The following ERGIC3 variants were observed in gnomAD, a reference collection of about 807,000 sequenced individuals.
The protein encoded by ERGIC3 is ERGIC and golgi 3.
In ERGIC3, 33 loss-of-function variants were observed where a neutral mutation model predicts 54.7. The observed-to-expected ratio is 0.60, with a 90% CI of 0.46 to 0.81. The LOEUF (loss-of-function observed/expected upper bound fraction) is 0.81. Among genes scored for constraint, ERGIC3 ranks in the 30% least tolerant of loss-of-function variants. ERGIC3 has a pLI of 0.00. For missense variants in ERGIC3, 399 were observed against 488.4 expected, an observed-to-expected ratio of 0.82 and a Z score of 1.73; for synonymous variants, 186 against 189.8, an observed-to-expected ratio of 0.98 and a Z score of 0.16.
intron 7 of ERGIC3, chr20:35,549,678 C>T: frequency 6.1e-6 from 1 of 163,958 alleles, no homozygotes; most frequent in Non-Finnish European, 1.3e-5. Context: ...ACTCTGTCGC[C>T]CAGGCTGGAG....
intron 9 of ERGIC3, 24 bp downstream of exon 9, chr20:35,556,153 C>T (rs2064710273): frequency 1.2e-6 from 2 of 1,614,176 alleles, no homozygotes; most frequent in East Asian, 4.5e-5. Flanking sequence ...AGGCAGCCCC[C>T]AGCCGCAGAA....
chr20:35,550,474 G>A (rs778600435), intron 7 of ERGIC3, among the ~76,000 whole-genome samples: 10 of 152,056 alleles, frequency 6.6e-5, no homozygotes, highest in Non-Finnish European at 1.5e-4. Flanking sequence ...AAATTAGCTG[G>A]GTGTGGTGGC....
intron 4 of ERGIC3, chr20:35,543,740 G>A (rs2064630133): frequency 2.1e-6 from 1 of 470,210 alleles, no homozygotes; most frequent in Non-Finnish European, 4.4e-6. Flanking sequence ...AGTCATGGTT[G>A]TTGATTCCAA....
At chr20:35,547,302 T>C in intron 4 of ERGIC3, 110 bp from the exon 5 acceptor site, 1 of 751,446 alleles carries the variant, frequency 1.3e-6, no homozygotes, top group African/African-American at 1.7e-5. Context: ...ATATGAATAT[T>C]AGTTATTATA....
intron 3 of ERGIC3, 35 bp from the exon 4 acceptor site, chr20:35,542,787 G>A (rs756873650): frequency 4.3e-6 from 7 of 1,613,982 alleles, no homozygotes; most frequent in South Asian, 1.1e-5. Flanking sequence ...TGTCCCTAGG[G>A]TCCCAGTACC....
chr20:35,552,069 G>A (rs1568871605), intron 7 of ERGIC3, among the ~76,000 whole-genome samples: 1 of 152,208 alleles, frequency 6.6e-6, no homozygotes, highest in Non-Finnish European at 1.5e-5. Context: ...TGAAGTCCTG[G>A]AGAAGGAGAA....
Position 35,557,606 on chromosome 20 carries a change from G to A in ERGIC3, c.*102G>A. ...CCTCGGTCAGCCCCAGCCCCAGGTT[G>A]ATAAATCTATTGATTGATTGTGATA... On this transcript the variant is annotated 3_prime_UTR_variant, in exon 13 of 13. Coordinates refer to ENST00000348547, the MANE Select transcript of ERGIC3 (RefSeq NM_015966.3). The A allele has an allele frequency of 1.0e-6, 1 of 960,184 alleles. No individual in the cohort carries two copies. The highest frequency in any genetic ancestry group is 1.6e-6 in the Non-Finnish European group (1 of 608,646). 59.5% of individuals were successfully genotyped at this position (960,184 alleles called of 1,614,324 possible). A position where few individuals can be genotyped will look rare whatever the true frequency, so the allele number is the denominator to read the frequency against.
intron 4 of ERGIC3, chr20:35,545,374 A>G (rs1190742894): frequency 6.6e-6 from 1 of 151,724 alleles, no homozygotes; most frequent in Non-Finnish European, 1.5e-5. Context: ...CCTGGCCAAC[A>G]TGGTAAAACC....
chr20:35,554,538 TA>T (rs2064701058), intron 7 of ERGIC3: 1 of 809,456 alleles, frequency 1.2e-6, no homozygotes, highest in African/African-American at 1.7e-5. Context: ...ATCTTTGAAG[TA>T]TGGTTCCTTG....
At chr20:35,555,174 T>A in intron 8 of ERGIC3, 99 bp downstream of exon 8, 1 of 1,359,270 alleles carries the variant, frequency 7.4e-7, no homozygotes, top group South Asian at 1.2e-5. Flanking sequence ...GGGTAGTGCA[T>A]ATGGAAAAAT....
At chr20:35,548,898 A>G (rs755737719) in intron 7 of ERGIC3, 33 bp downstream of exon 7, 1 of 1,612,474 alleles carries the variant, frequency 6.2e-7, no homozygotes, top group Admixed American at 1.7e-5. Context: ...GGAGATTTAG[A>G]TGCTGGCCAC....
intron 7 of ERGIC3, among the ~76,000 whole-genome samples, chr20:35,550,795 G>A (rs56695771): frequency 0.068 from 10,425 of 152,204 alleles, 411 homozygotes; most frequent in African/African-American, 0.11. Flanking sequence ...AGACTGGGCA[G>A]GGGAAAGGAC....
At chr20:35,555,321 G>A (rs224419) in intron 8 of ERGIC3, among the ~76,000 whole-genome samples, 102,264 of 151,884 alleles carry the variant, frequency 0.67, 35,401 homozygotes, top group East Asian at 0.78. Flanking sequence ...GCAAGGTCAG[G>A]CGGGAGCATG....
At chr20:35,545,588 G>A (rs933184577) in intron 4 of ERGIC3, among the ~76,000 whole-genome samples, 12 of 152,006 alleles carry the variant, frequency 7.9e-5, no homozygotes, top group African/African-American at 2.4e-4. Context: ...ACAAAAAAAC[G>A]TGTAACCTTT....
intron 3 of ERGIC3, 76 bp downstream of exon 3, chr20:35,542,676 T>C: frequency 6.2e-7 from 1 of 1,601,226 alleles, no homozygotes; most frequent in African/African-American, 1.3e-5. Context: ...ACCTCCACCC[T>C]TAGGTTCTGG....
intron 8 of ERGIC3, among the ~76,000 whole-genome samples, 171 bp from the exon 9 acceptor site, chr20:35,555,862 T>C (rs2064708478): frequency 6.6e-6 from 1 of 150,662 alleles, no homozygotes; most frequent in African/African-American, 2.4e-5. Context: ...GTTTGCAGGC[T>C]GTGGAAGGAG....
At chr20:35,555,111 G>A (rs374376200) in intron 8 of ERGIC3, 36 bp downstream of exon 8, 1 of 1,607,254 alleles carries the variant, frequency 6.2e-7, no homozygotes, top group Non-Finnish European at 8.5e-7. Context: ...GGGCAGGTGG[G>A]GGTGGGAGGC....
chr20:35,543,235 T>A lies in ERGIC3; in HGVS notation c.367+294T>A, dbSNP rs114905252. 2,278 of 374,764 alleles carry A rather than the reference T, an allele frequency of 6.1e-3. 43 individuals carry two copies. Among genetic ancestry groups the A allele is most frequent in the African/African-American group, 0.043 (2,065 of 47,740 alleles). The allele number at this position is 374,764 out of a possible 1,614,324, so 23.2% of individuals were successfully genotyped here. On this transcript the variant is annotated intron_variant, in intron 4 of 12. Coordinates refer to ENST00000348547, the MANE Select transcript of ERGIC3 (RefSeq NM_015966.3). Reference sequence around the variant, plus strand: ...TAGGTCTTATGTGCTCTTGCCTTGGTAGAACTGTCTAGATGGACCCAGGCT... The same window carrying A: ...TAGGTCTTATGTGCTCTTGCCTTGGAAGAACTGTCTAGATGGACCCAGGCT...
chr20:35,542,310 C>T lies in ERGIC3; in HGVS notation c.89-13C>T, dbSNP rs1329375866. ...ATTCGAGGCCATTCTGACCCTCGCC[C>T]CTTGTCCTGCAGTGACCATTGTCAG... On this transcript the variant is annotated splice_polypyrimidine_tract_variant and intron_variant, in intron 1 of 12. Coordinates refer to ENST00000348547, the MANE Select transcript of ERGIC3 (RefSeq NM_015966.3). 2.5e-6 allele frequency: 4 copies of T among 1,613,954 alleles called. No individual in the cohort carries two copies. Among genetic ancestry groups the T allele is most frequent in the Non-Finnish European group, 3.4e-6 (4 of 1,180,042 alleles).
Sources: allele counts gnomAD v4.1 joint callset (sites outside exome capture counted in the v4.1 genomes callset), GRCh38; gene constraint gnomAD v4.1.1; transcripts MANE v1.5; gene names NCBI Gene and HGNC (gene_info 2026-07-23, HGNC 2026-07-21).